Variants in SLC35F4 observed in about 807,000 individuals in gnomAD.
SLC35F4 encodes the protein chromosome 14 open reading frame 36.
In SLC35F4, 24 loss-of-function variants were observed where a neutral mutation model predicts 44.2. The ratio of observed to expected loss-of-function variants is 0.54; its 90% CI spans 0.39 to 0.76. The LOEUF (loss-of-function observed/expected upper bound fraction) is 0.76. Ranked by LOEUF, SLC35F4 falls within the 30% of genes least tolerant of loss-of-function variation. SLC35F4 has a pLI of 0.00. For missense variants in SLC35F4, 562 were observed against 586.1 expected, an observed-to-expected ratio of 0.96 and a Z score of 0.42; for synonymous variants, 238 against 223.6, an observed-to-expected ratio of 1.06 and a Z score of -0.57.
In SLC35F4 at chr14:57,857,276, C is replaced by CA. The variant is rs931468848; in HGVS notation, c.103+8446dup. ...TGGGCAACACACCAAGACTTCATCTCAAAAAAAAAAAGTTGCCTTTTCCCC... is the reference window on the plus strand; with the variant it reads ...TGGGCAACACACCAAGACTTCATCTCAAAAAAAAAAAAGTTGCCTTTTCCCC... On this transcript the variant is annotated intron_variant, in intron 1 of 7. Coordinates refer to ENST00000556826, the MANE Select transcript of SLC35F4 (RefSeq NM_001306087.2). Among the ~76,000 whole-genome samples the CA allele has an allele frequency of 3.6e-4, 52 of 143,556 alleles. 1 individual carries two copies. The highest frequency in any genetic ancestry group is 4.0e-4 in the East Asian group (2 of 4,966). 94.2% of individuals were successfully genotyped at this position (143,556 alleles called of 152,430 possible).
chr14:57,586,082 A>G (rs966869812), intron 3 of SLC35F4, among the ~76,000 whole-genome samples: 1 of 152,220 alleles, frequency 6.6e-6, no homozygotes, highest in Non-Finnish European at 1.5e-5. Flanking sequence ...AAACTATACT[A>G]CAAGGCTACA....
chr14:57,944,695 A>AAAAGAAAGAAAGAAAAG (rs1889980152), intron 1 of SLC35F4, among the ~76,000 whole-genome samples: 1 of 115,998 alleles, frequency 8.6e-6, no homozygotes, highest in East Asian at 2.4e-4. Flanking sequence ...AGAAAGAAAG[A>AAAAGAAAGAAAGAAAAG]AAAGAAAGAA....
At position 57,858,933 on chromosome 14, in the gene SLC35F4, T is replaced by TAA. The variant is rs112008222; in HGVS notation, c.103+6788_103+6789dup. Reference sequence around the variant, plus strand: ...GGGCAACATAGCAAAACCTGATCTCTAAAAAAAAAAAAAAAAAATTAATTA... The same window carrying TAA: ...GGGCAACATAGCAAAACCTGATCTCTAAAAAAAAAAAAAAAAAAAATTAATTA... On this transcript the variant is annotated intron_variant, in intron 1 of 7. Transcript: ENST00000556826. Among the ~76,000 whole-genome samples, 163 of 118,446 alleles carry TAA rather than the reference T, an allele frequency of 1.4e-3. 1 individual carries two copies. The highest frequency in any genetic ancestry group is 4.1e-3 in the Admixed American group (48 of 11,826). 77.7% of individuals were successfully genotyped at this position (118,446 alleles called of 152,430 possible).
rs2070010137 is a variant in SLC35F4, at chr14:57,589,407, GA to G, written c.395del (p.Leu132ProfsTer2). ...TSMVLKGIWG[L>X]LIILSVSSSW... ...ATGATGATACTGACAAGATGATCAAGAGTCCCCAGATGCCCTTCAGAACCAT... is the reference window on the plus strand; with the variant it reads ...ATGATGATACTGACAAGATGATCAAGGTCCCCAGATGCCCTTCAGAACCAT... On this transcript the variant is annotated frameshift_variant, in exon 3 of 8. Transcript: ENST00000556826. LOFTEE classifies it high-confidence loss of function. The G allele has an allele frequency of 6.2e-7, 1 of 1,613,856 alleles. No individual in the cohort carries two copies. The highest frequency in any genetic ancestry group is 1.7e-5 in the Admixed American group (1 of 59,990).
chr14:57,939,487 C>T (rs759883027), intron 1 of SLC35F4, among the ~76,000 whole-genome samples: 2 of 152,214 alleles, frequency 1.3e-5, no homozygotes, highest in African/African-American at 2.4e-5. Context: ...GAAGAAAGGA[C>T]ATCACCACTA....
intron 1 of SLC35F4, among the ~76,000 whole-genome samples, chr14:57,947,139 A>G (rs1250246716): frequency 6.6e-6 from 1 of 151,594 alleles, no homozygotes; most frequent in African/African-American, 2.4e-5. Flanking sequence ...ATTTGTTTGT[A>G]TCATTTATGA....
intron 1 of SLC35F4, among the ~76,000 whole-genome samples, chr14:57,961,830 C>T (rs988786067): frequency 2.0e-5 from 3 of 152,134 alleles, no homozygotes; most frequent in Non-Finnish European, 4.4e-5. Context: ...CCTCAACTGA[C>T]GACTTTAAGC....
At chr14:57,637,998 A>G (rs1474530315) in intron 1 of SLC35F4, among the ~76,000 whole-genome samples, 2 of 152,124 alleles carry the variant, frequency 1.3e-5, no homozygotes, top group East Asian at 3.9e-4. Flanking sequence ...GATAATAACA[A>G]ATTATAAACG....
chr14:57,743,710 C>T (rs1302953853), intron 1 of SLC35F4, among the ~76,000 whole-genome samples: 2 of 152,210 alleles, frequency 1.3e-5, no homozygotes, highest in Admixed American at 6.5e-5. Flanking sequence ...AGGGAATCCT[C>T]CCTAACTCAT....
intron 1 of SLC35F4, among the ~76,000 whole-genome samples, chr14:57,634,197 G>A (rs564588136): frequency 8.5e-5 from 13 of 152,212 alleles, no homozygotes; most frequent in African/African-American, 2.4e-4. Flanking sequence ...CTTTCATGGC[G>A]TCTAAAGAGT....
At chr14:57,747,126 AG>A (rs1359176933) in intron 1 of SLC35F4, among the ~76,000 whole-genome samples, 1 of 152,208 alleles carries the variant, frequency 6.6e-6, no homozygotes, top group African/African-American at 2.4e-5. Flanking sequence ...TGTAAGCAAT[AG>A]TACTCCCTAA....
At chr14:57,821,609 C>T (rs1013240891) in intron 1 of SLC35F4, among the ~76,000 whole-genome samples, 2 of 152,134 alleles carry the variant, frequency 1.3e-5, no homozygotes, top group Non-Finnish European at 1.5e-5. Flanking sequence ...AAAGTTTATC[C>T]GTGGACAACC....
chr14:57,740,928 C>G (rs1158718388), intron 1 of SLC35F4, among the ~76,000 whole-genome samples: 2 of 152,128 alleles, frequency 1.3e-5, no homozygotes, highest in African/African-American at 4.8e-5. Context: ...TGAGACGAAG[C>G]TGCTGTTGTG....
chr14:57,618,607 G>A (rs1457594671), intron 1 of SLC35F4, among the ~76,000 whole-genome samples: 1 of 152,208 alleles, frequency 6.6e-6, no homozygotes, highest in Non-Finnish European at 1.5e-5. Context: ...ACAAAACTGG[G>A]TGGTCACTTG....
At chr14:57,682,638 G>GAA (rs5808933) in intron 1 of SLC35F4, among the ~76,000 whole-genome samples, 37,966 of 148,300 alleles carry the variant, frequency 0.26, 4,875 homozygotes, top group African/African-American at 0.32. Context: ...AAAGTATAAT[G>GAA]AAAAAAAAAA....
chr14:57,615,355 CCTTT>C (rs941385635), intron 1 of SLC35F4, among the ~76,000 whole-genome samples: 3 of 149,690 alleles, frequency 2.0e-5, no homozygotes, highest in African/African-American at 7.3e-5. Context: ...CAAACATTTT[CCTTT>C]TTTTTTTTTT....
chr14:57,666,449 C>A (rs2074311732), intron 1 of SLC35F4, among the ~76,000 whole-genome samples: 1 of 152,140 alleles, frequency 6.6e-6, no homozygotes, highest in African/African-American at 2.4e-5. Context: ...GAAATGAGTC[C>A]TGCCAACAAC....
intron 1 of SLC35F4, among the ~76,000 whole-genome samples, chr14:57,955,859 T>C (rs148837470): frequency 1.1e-3 from 164 of 152,246 alleles, no homozygotes; most frequent in African/African-American, 3.6e-3. Context: ...AAAATGGCCA[T>C]AGTGCCCAAA....
At chr14:57,892,550 C>A (rs1274956637) in intron 1 of SLC35F4, among the ~76,000 whole-genome samples, 1 of 152,200 alleles carries the variant, frequency 6.6e-6, no homozygotes, top group Non-Finnish European at 1.5e-5. Flanking sequence ...GAACAGAAAC[C>A]TGCCTGGCAG....
Sources: allele counts gnomAD v4.1 joint callset (sites outside exome capture counted in the v4.1 genomes callset), GRCh38; gene constraint gnomAD v4.1.1; transcripts MANE v1.5; gene names NCBI Gene and HGNC (gene_info 2026-07-23, HGNC 2026-07-21).